Variants in SCN7A observed in about 807,000 individuals in gnomAD.
The protein encoded by SCN7A is sodium channel protein type 7 subunit alpha.
In SCN7A, 138 loss-of-function variants were observed where a neutral mutation model predicts 155.2. The ratio of observed to expected loss-of-function variants is 0.89; its 90% CI spans 0.77 to 1.02. The LOEUF (loss-of-function observed/expected upper bound fraction) is 1.02, where lower values mean the gene tolerates loss of function less well. SCN7A is among the 50% of genes least tolerant of loss of function. SCN7A has a pLI of 0.00. For synonymous variants in SCN7A, 693 were observed against 649.0 expected (o/e 1.07, Z -1.03); for missense variants, 2,058 against 1,986.6 (o/e 1.04, Z -0.68).
At chr2:166,448,792 T>C (rs1283093996) in intron 11 of SCN7A, among the ~76,000 whole-genome samples, 1 of 152,222 alleles carries the variant, frequency 6.6e-6, no homozygotes, top group Non-Finnish European at 1.5e-5. Context: ...TCAGGAAACA[T>C]AGTACTAAGT....
In SCN7A at chr2:166,414,825, T is replaced by C. The variant is rs147624633; in HGVS notation, c.3415-1704A>G. ...AATATATAGTAGGATATATAATATA[T>C]AATAGGATATATATAATATATAGGA... is the stretch of plus-strand genomic sequence containing the variant. On this transcript the variant is annotated intron_variant, in intron 21 of 25. Transcript: ENST00000643258. 442 of 134,454 alleles carry C rather than the reference T, an allele frequency of 3.3e-3. 19 individuals are homozygous for C. In the East Asian group the frequency reaches 0.067, roughly 20 times the overall value. 8.3% of individuals were successfully genotyped at this position (134,454 alleles called of 1,614,324 possible).
Position 166,429,250 on chromosome 2 carries a change from C to T in SCN7A, c.2617G>A (p.Glu873Lys). The change falls in exon 17 of 26, where the codon GAA becomes AAA. Residue 873 changes from glutamate to lysine, a missense_variant. By Grantham distance (56) the Glu-to-Lys change is moderately conservative (BLOSUM62 1). Coordinates refer to ENST00000643258, the MANE Select transcript of SCN7A (RefSeq NM_002976.4). Reference sequence around the variant, plus strand: ...ATAGCAATATCAACAGTACTGCATTCAGATGAGCTAGATTGCTTTATTTTC... The same window carrying T: ...ATAGCAATATCAACAGTACTGCATTTAGATGAGCTAGATTGCTTTATTTTC... ...KEKIKQSSSSECSTVDIAISE... is the reference protein window; with the variant it reads ...KEKIKQSSSSKCSTVDIAISE... 1 of 1,539,376 alleles carries T rather than the reference C, an allele frequency of 6.5e-7. No homozygotes were observed. Among genetic ancestry groups the T allele is most frequent in the Non-Finnish European group, 8.8e-7 (1 of 1,141,030 alleles).
intron 2 of SCN7A, among the ~76,000 whole-genome samples, chr2:166,485,947 T>C (rs1374108002): frequency 6.6e-6 from 1 of 152,148 alleles, no homozygotes; most frequent in Non-Finnish European, 1.5e-5. Context: ...AGTGGCCACA[T>C]TAGGATTCAA....
rs376569662 is a variant in SCN7A at position 166,474,343 on chromosome 2, G to T, written c.236C>A (p.Thr79Asn). 2.3e-5 allele frequency: 32 copies of T among 1,396,950 alleles called. No individual in the cohort carries two copies. Among genetic ancestry groups the T allele is most frequent in the Non-Finnish European group, 2.7e-5 (28 of 1,026,170 alleles). The allele number at this position is 1,396,950 out of a possible 1,614,324, so 86.5% of individuals were successfully genotyped here. A position where few individuals can be genotyped will look rare whatever the true frequency, so the allele number is the denominator to read the frequency against. Residue 79 changes from threonine (T) to asparagine (N), a missense_variant and splice_region_variant, in exon 4 of 26, where the codon ACT becomes AAT. Transcript: ENST00000643258. ...TCTATTTTTATTTAATACTATGAAA[G>T]TCTGTAAGAAGAAAAGCGATCAAGT... ...VDPYYYKKKN[T>N]FIVLNKNRTI...
chr2:166,438,899 T>C (rs1034056426), intron 15 of SCN7A, among the ~76,000 whole-genome samples: 5 of 151,560 alleles, frequency 3.3e-5, no homozygotes, highest in Non-Finnish European at 7.4e-5. Flanking sequence ...TGATGAAGTT[T>C]CTGGTTAGTA....
intron 21 of SCN7A, chr2:166,414,461 G>GAA (rs1701313641): frequency 1.3e-5 from 1 of 78,616 alleles, no homozygotes; most frequent in Non-Finnish European, 2.4e-5. Flanking sequence ...TGAACTAATA[G>GAA]GATATATATA....
chr2:166,416,440 C>T (rs1377382918), intron 21 of SCN7A, among the ~76,000 whole-genome samples: 1 of 152,096 alleles, frequency 6.6e-6, no homozygotes, highest in Non-Finnish European at 1.5e-5. Context: ...GTGATGTCAC[C>T]CCCGGCGGCC....
At chr2:166,426,113 C>T (rs887673612) in intron 18 of SCN7A, among the ~76,000 whole-genome samples, 3 of 152,068 alleles carry the variant, frequency 2.0e-5, no homozygotes, top group Non-Finnish European at 2.9e-5. Flanking sequence ...AGAGATACAA[C>T]GCCTGGTAGA....
intron 11 of SCN7A, among the ~76,000 whole-genome samples, chr2:166,448,834 T>A (rs1201774254): frequency 6.6e-6 from 1 of 152,166 alleles, no homozygotes; most frequent in African/African-American, 2.4e-5. Context: ...CATCTTAAAC[T>A]TTTTTAGGAT....
Position 166,421,250 on chromosome 2 carries a change from A to C in SCN7A, c.3075T>G (p.Pro1025=). The change falls in exon 20 of 26, where the codon CCT becomes CCG. Residue 1025 remains proline (P), a synonymous_variant. Transcript: ENST00000643258. Reference sequence around the variant, plus strand: ...GCCGAAGGAATTTCATGGAAATAAGAGGTTTTAGTTCTTCCCGAGTTTTGC... The same window carrying C: ...GCCGAAGGAATTTCATGGAAATAAGCGGTTTTAGTTCTTCCCGAGTTTTGC... ...LIGKTREELK[P]LISMKFLRPL... 6.5e-7 allele frequency: 1 copy of C among 1,536,816 alleles called. No homozygotes were observed. Among genetic ancestry groups the C allele is most frequent in the African/African-American group, 1.4e-5 (1 of 72,430 alleles).
intron 18 of SCN7A, among the ~76,000 whole-genome samples, chr2:166,426,359 C>A (rs7578830): frequency 2.0e-5 from 3 of 151,974 alleles, no homozygotes; most frequent in East Asian, 2.0e-4. Context: ...AGCCCCCTAG[C>A]GGGTATTTGT....
chr2:166,435,228 T>A (rs1403573120), intron 15 of SCN7A, among the ~76,000 whole-genome samples: 1 of 152,046 alleles, frequency 6.6e-6, no homozygotes, highest in Admixed American at 6.6e-5. Flanking sequence ...CCTACTCTCT[T>A]TAAGGATTTA....
chr2:166,458,455 A>G (rs1026028527), intron 10 of SCN7A, among the ~76,000 whole-genome samples: 1 of 152,068 alleles, frequency 6.6e-6, no homozygotes, highest in Non-Finnish European at 1.5e-5. Context: ...TTAAAATTTT[A>G]TCTATATTGA....
chr2:166,412,064 C>T (rs1056320629), intron 23 of SCN7A, among the ~76,000 whole-genome samples: 8 of 152,144 alleles, frequency 5.3e-5, no homozygotes, highest in Middle Eastern at 3.4e-3. Context: ...TTCAAGCACT[C>T]CTACTTAGGC....
chr2:166,415,223 C>CTT (rs573283624), intron 21 of SCN7A, among the ~76,000 whole-genome samples: 4 of 135,824 alleles, frequency 2.9e-5, no homozygotes, highest in Admixed American at 1.5e-4. Context: ...ACTTTTGTCT[C>CTT]TTTTTTTTTT....
chr2:166,416,321 T>G (rs1701375633), intron 21 of SCN7A, among the ~76,000 whole-genome samples: 1 of 152,180 alleles, frequency 6.6e-6, no homozygotes, highest in Non-Finnish European at 1.5e-5. Context: ...TTTTTGCCCC[T>G]TGAAGCATGT....
chr2:166,432,666 G>A lies in SCN7A; in HGVS notation c.2244C>T (p.Leu748=). Residue 748 remains leucine, a synonymous_variant, in exon 16 of 26, where the codon CTC becomes CTT. Coordinates refer to ENST00000643258, the MANE Select transcript of SCN7A (RefSeq NM_002976.4). ...TTTTAATTCTTGCCACTGCAAGCTGGAGATTTTTTGCTTCATTATTCTCTT... is the reference window on the plus strand; with the variant it reads ...TTTTAATTCTTGCCACTGCAAGCTGAAGATTTTTTGCTTCATTATTCTCTT... ...TAEENNEAKN[L]QLAVARIKKG... The A allele has an allele frequency of 6.2e-7, 1 of 1,607,122 alleles. No individual in the cohort carries two copies. Among genetic ancestry groups the A allele is most frequent in the Non-Finnish European group, 8.5e-7 (1 of 1,177,918 alleles).
chr2:166,485,781 G>A (rs923897265), intron 2 of SCN7A, among the ~76,000 whole-genome samples: 2 of 152,104 alleles, frequency 1.3e-5, no homozygotes, highest in African/African-American at 2.4e-5. Flanking sequence ...AGATGTTCTC[G>A]AAACTTCCAC....
intron 7 of SCN7A, among the ~76,000 whole-genome samples, chr2:166,470,363 A>G (rs1421439459): frequency 6.6e-6 from 1 of 151,898 alleles, no homozygotes; most frequent in East Asian, 1.9e-4. Context: ...AGAATTATAA[A>G]TTAAAATATA....
Sources: gnomAD v4.1 joint callset for allele counts (sites outside exome capture counted in the v4.1 genomes callset) on GRCh38, gnomAD v4.1.1 for gene constraint, MANE v1.5 for transcripts, NCBI Gene and HGNC (gene_info 2026-07-23, HGNC 2026-07-21) for gene names.